HECW2: variants seen among roughly 807,000 people sequenced by gnomAD.
HECW2 encodes E3 ubiquitin-protein ligase HECW2.
In HECW2, 61 loss-of-function variants were observed where a neutral mutation model predicts 175.2. The observed-to-expected ratio is 0.35, with a 90% CI of 0.28 to 0.43. The LOEUF (loss-of-function observed/expected upper bound fraction) is 0.43. HECW2 is among the 20% of genes least tolerant of loss of function. The pLI is 1.00. For missense variants in HECW2, 1,524 were observed against 2,000.5 expected (o/e 0.76, Z 4.54); for synonymous variants, 671 against 731.0 (o/e 0.92, Z 1.32).
At chr2:196,333,968 TAAGAC>T (rs1317500283) in intron 4 of HECW2, among the ~76,000 whole-genome samples, 1 of 152,212 alleles carries the variant, frequency 6.6e-6, no homozygotes, top group East Asian at 1.9e-4. Flanking sequence ...GAACCAGCAC[TAAGAC>T]CTTAAGGAAA....
intron 1 of HECW2, among the ~76,000 whole-genome samples, chr2:196,480,965 T>C (rs1034173096): frequency 2.3e-4 from 35 of 152,344 alleles, no homozygotes; most frequent in African/African-American, 7.2e-4. Flanking sequence ...AATTAGAGAA[T>C]AGATAGTTTA....
chr2:196,345,748 T>G (rs1392691743), intron 2 of HECW2, among the ~76,000 whole-genome samples: 1 of 152,238 alleles, frequency 6.6e-6, no homozygotes, highest in Non-Finnish European at 1.5e-5. Flanking sequence ...TGATTCAGAC[T>G]CATCATTTCT....
chr2:196,255,147 A>ATTT (rs768416431), intron 18 of HECW2, among the ~76,000 whole-genome samples: 67,516 of 95,430 alleles, frequency 0.71, 27,164 homozygotes, highest in Non-Finnish European at 0.86. Flanking sequence ...TAATTTTTCT[A>ATTT]TTTTTTTTTT....
At chr2:196,452,188 G>A (rs979050055) in intron 1 of HECW2, among the ~76,000 whole-genome samples, 1 of 152,026 alleles carries the variant, frequency 6.6e-6, no homozygotes, top group Admixed American at 6.5e-5. Context: ...GAGATATGCT[G>A]CAAGTATAAA....
At chr2:196,533,988 G>A (rs1043526194) in intron 1 of HECW2, among the ~76,000 whole-genome samples, 1 of 152,202 alleles carries the variant, frequency 6.6e-6, no homozygotes, top group African/African-American at 2.4e-5. Context: ...CAGCTGGGCT[G>A]GGGATTTGAT....
chr2:196,500,877 C>T (rs1687556142), intron 1 of HECW2, among the ~76,000 whole-genome samples: 1 of 152,164 alleles, frequency 6.6e-6, no homozygotes. Context: ...GGACTCAACA[C>T]TTTAGAATCT....
intron 2 of HECW2, among the ~76,000 whole-genome samples, chr2:196,385,091 T>C (rs1414484682): frequency 1.3e-5 from 2 of 151,882 alleles, no homozygotes; most frequent in Admixed American, 6.6e-5. Context: ...TAATTTTTAT[T>C]TGTAGAGACA....
intron 1 of HECW2, among the ~76,000 whole-genome samples, chr2:196,479,285 G>A (rs147002426): frequency 6.6e-6 from 1 of 152,242 alleles, no homozygotes; most frequent in East Asian, 1.9e-4. Flanking sequence ...TCATCATTCT[G>A]TTATAGACAT....
chr2:196,211,554 G>T (rs1687286142), intron 28 of HECW2, among the ~76,000 whole-genome samples: 3 of 152,104 alleles, frequency 2.0e-5, no homozygotes, highest in African/African-American at 7.2e-5. Flanking sequence ...AACTTGCACT[G>T]GCTGCAGAGA....
intron 1 of HECW2, among the ~76,000 whole-genome samples, chr2:196,593,029 G>A (rs1459196449): frequency 6.6e-6 from 1 of 151,624 alleles, no homozygotes; most frequent in Non-Finnish European, 1.5e-5. Context: ...GAGAGACGCG[G>A]CGCAGGGGCA....
intron 2 of HECW2, among the ~76,000 whole-genome samples, chr2:196,371,079 C>T (rs987139408): frequency 6.6e-6 from 1 of 152,056 alleles, no homozygotes; most frequent in Non-Finnish European, 1.5e-5. Context: ...AGAGGACAAT[C>T]AGTGGAGGCT....
chr2:196,220,885 G>A lies in HECW2; in HGVS notation c.4203C>T (p.Asn1401=). 1 of 1,613,924 alleles carries A rather than the reference G, an allele frequency of 6.2e-7. No homozygotes were observed. The change falls in exon 25 of 29, where the codon AAC becomes AAT. Residue 1401 remains asparagine (N), a synonymous_variant. Transcript: ENST00000644978. ...CCATCCTCTCGATGTACTCCTTCTT[G>A]TTCTTCTCTGTAACTGGGATATTGG... ...GGANIPVTEK[N]KKEYIERMVK... is the part of the protein sequence containing the mutation.
chr2:196,277,201 G>T (rs904527823), intron 15 of HECW2, among the ~76,000 whole-genome samples: 18 of 152,048 alleles, frequency 1.2e-4, no homozygotes, highest in Non-Finnish European at 2.4e-4. Flanking sequence ...TTTTGGTTAG[G>T]ATATTAGAGG....
chr2:196,214,922 T>G (rs767621), intron 28 of HECW2, among the ~76,000 whole-genome samples: 33,253 of 152,110 alleles, frequency 0.22, 4,310 homozygotes, highest in East Asian at 0.45. Flanking sequence ...CTAATATCAC[T>G]AATAAAATAG....
chr2:196,510,070 C>A (rs1469878745), intron 1 of HECW2, among the ~76,000 whole-genome samples: 1 of 152,154 alleles, frequency 6.6e-6, no homozygotes, highest in Non-Finnish European at 1.5e-5. Context: ...GAGACTCCAC[C>A]ATTGTACTGC....
intron 17 of HECW2, chr2:196,263,610 C>T (rs1432020327): frequency 1.3e-5 from 2 of 152,234 alleles, no homozygotes; most frequent in Admixed American, 1.3e-4. Flanking sequence ...ATCATTCATA[C>T]TCATTATTAC....
chr2:196,219,859 C>A (rs777216163), intron 26 of HECW2, among the ~76,000 whole-genome samples, 180 bp downstream of exon 26: 80 of 152,172 alleles, frequency 5.3e-4, no homozygotes, highest in Non-Finnish European at 4.0e-4. Context: ...TCCCATCTGA[C>A]AGATGAGGTA....
rs73989932 is a variant in HECW2, at chr2:196,462,994, T to C, written c.-35-29536A>G. ...GTGAAAGAAACTGCAAACTCCCCCA[T>C]TCCCCAGTGGTAGTATGCCAGGGCT... On this transcript the variant is annotated intron_variant, in intron 1 of 28. Transcript: ENST00000644978. Among the ~76,000 whole-genome samples, 1,227 of 152,230 alleles carry C rather than the reference T, an allele frequency of 8.1e-3. 18 individuals are homozygous for C. Among genetic ancestry groups the C allele is most frequent in the African/African-American group, 0.028 (1,176 of 41,562 alleles).
At chr2:196,366,690 ATTATATT>A (rs1693754393) in intron 2 of HECW2, among the ~76,000 whole-genome samples, 1 of 152,192 alleles carries the variant, frequency 6.6e-6, no homozygotes, top group African/African-American at 2.4e-5. Context: ...CATCAAGAGT[ATTATATT>A]TTTCCTTAAT....
Sources: allele counts gnomAD v4.1 joint callset (sites outside exome capture counted in the v4.1 genomes callset), GRCh38; gene constraint gnomAD v4.1.1; transcripts MANE v1.5; gene names NCBI Gene and HGNC (gene_info 2026-07-23, HGNC 2026-07-21).